Variants in HMGCLL1 observed in about 807,000 individuals in gnomAD.
HMGCLL1 encodes the protein 3-hydroxymethyl-3-methylglutaryl-CoA lyase, cytoplasmic.
A neutral mutation model predicts 39.1 loss-of-function variants in HMGCLL1; 36 were observed. That is an observed-to-expected ratio of 0.92 (90% CI 0.71 to 1.22). The LOEUF is 1.22. HMGCLL1 is among the 50% of genes most tolerant of loss of function. HMGCLL1 has a pLI of 0.00. For missense variants in HMGCLL1, 451 were observed against 416.5 expected, an observed-to-expected ratio of 1.08 and a Z score of -0.72; for synonymous variants, 149 against 144.0, an observed-to-expected ratio of 1.03 and a Z score of -0.25.
Position 55,553,221 on chromosome 6 carries a change from A to G in HMGCLL1, c.109-11081T>C, listed in dbSNP as rs145202648. Reference sequence around the variant, plus strand: ...CACACACATACACACACATATATGTATATATATACATGTATTTACATATAT... The same window carrying G: ...CACACACATACACACACATATATGTGTATATATACATGTATTTACATATAT... On this transcript the variant is annotated intron_variant, in intron 1 of 8. Coordinates refer to ENST00000274901, the MANE Select transcript of HMGCLL1 (RefSeq NM_001042406.2). Among the ~76,000 whole-genome samples, 756 of 143,390 alleles carry G rather than the reference A, an allele frequency of 5.3e-3. 6 individuals are homozygous for G. Among genetic ancestry groups the G allele is most frequent in the Admixed American group, 8.5e-3 (121 of 14,190 alleles). The allele number at this position is 143,390 out of a possible 152,430, so 94.1% of individuals were successfully genotyped here.
chr6:55,591,452 C>T, the HMGCLL1 span, among the ~76,000 whole-genome samples: 1 of 151,902 alleles, frequency 6.6e-6, no homozygotes, highest in South Asian at 2.1e-4. Flanking sequence ...GGGGGTGGGA[C>T]TTCTCTTTTC....
At chr6:55,654,239 C>G in the HMGCLL1 span, among the ~76,000 whole-genome samples, 2 of 151,726 alleles carry the variant, frequency 1.3e-5, no homozygotes, top group Non-Finnish European at 2.9e-5. Flanking sequence ...GAGGAGGACA[C>G]TGAACTGACT....
At chr6:55,614,018 A>G in the HMGCLL1 span, among the ~76,000 whole-genome samples, 1 of 152,190 alleles carries the variant, frequency 6.6e-6, no homozygotes. Context: ...AATAGCAAGT[A>G]TTGAAAAATA....
intron 8 of HMGCLL1, among the ~76,000 whole-genome samples, chr6:55,438,574 G>T (rs1306631127): frequency 6.6e-6 from 1 of 152,002 alleles, no homozygotes; most frequent in Non-Finnish European, 1.5e-5. Context: ...GGAATACGAG[G>T]CATAAGGCCA....
chr6:55,539,849 A>AAAGAAAGAGG (rs1769244477), intron 3 of HMGCLL1, among the ~76,000 whole-genome samples: 1 of 140,350 alleles, frequency 7.1e-6, no homozygotes, highest in African/African-American at 2.7e-5. Context: ...CCCTAAAGTG[A>AAAGAAAGAGG]AAGAAAGAGG....
chr6:55,528,648 T>TTC (rs1554151490), intron 3 of HMGCLL1, among the ~76,000 whole-genome samples: 1 of 151,488 alleles, frequency 6.6e-6, no homozygotes, highest in Non-Finnish European at 1.5e-5. Context: ...CCAGTTTTTT[T>TTC]TTTTCTACCC....
the HMGCLL1 span, among the ~76,000 whole-genome samples, chr6:55,601,943 T>G: frequency 1.3e-5 from 2 of 152,136 alleles, no homozygotes; most frequent in African/African-American, 4.8e-5. Flanking sequence ...TCTAAACAAA[T>G]GCAATCCATT....
At chr6:55,624,045 G>C in the HMGCLL1 span, among the ~76,000 whole-genome samples, 43 of 152,142 alleles carry the variant, frequency 2.8e-4, no homozygotes, top group Non-Finnish European at 8.8e-5. Context: ...TTCAGAGCCA[G>C]TGTCCAGTAG....
intron 7 of HMGCLL1, among the ~76,000 whole-genome samples, chr6:55,441,862 T>C (rs781566960): frequency 6.6e-6 from 1 of 152,144 alleles, no homozygotes; most frequent in Non-Finnish European, 1.5e-5. Context: ...GGCTAATTTT[T>C]GTGTTTTTAG....
At chr6:55,650,997 C>T in the HMGCLL1 span, among the ~76,000 whole-genome samples, 1 of 152,104 alleles carries the variant, frequency 6.6e-6, no homozygotes. Context: ...TCAGCCTGGA[C>T]TTGGGGACCC....
intron 1 of HMGCLL1, among the ~76,000 whole-genome samples, chr6:55,568,571 A>T (rs1771322963): frequency 6.6e-6 from 1 of 152,166 alleles, no homozygotes; most frequent in African/African-American, 2.4e-5. Context: ...TTCAGGGGTT[A>T]TATTGGGCTC....
chr6:55,623,538 G>T, the HMGCLL1 span, among the ~76,000 whole-genome samples: 1 of 151,522 alleles, frequency 6.6e-6, no homozygotes, highest in Non-Finnish European at 1.5e-5. Context: ...TGATGTTCAT[G>T]TGTTTATATA....
chr6:55,505,193 C>G (rs1210089168), intron 5 of HMGCLL1, among the ~76,000 whole-genome samples: 1 of 151,548 alleles, frequency 6.6e-6, no homozygotes, highest in Non-Finnish European at 1.5e-5. Flanking sequence ...TACAGTTAGG[C>G]CTTATCCCAG....
rs150577972 is a variant in HMGCLL1, at chr6:55,558,897, A to T, written c.109-16757T>A. On this transcript the variant is annotated intron_variant, in intron 1 of 8. Transcript: ENST00000274901. ...CTCCTTCCAAATCTCAATATAATTT[A>T]TCTAACCTTGTTCATAATCTGCCAG... 2.0e-5 allele frequency among the ~76,000 whole-genome samples: 3 copies of T among 152,358 alleles called. No homozygotes were observed. In the East Asian group the frequency reaches 5.8e-4, roughly 29 times the overall value.
chr6:55,646,800 T>C, the HMGCLL1 span, among the ~76,000 whole-genome samples: 1 of 152,036 alleles, frequency 6.6e-6, no homozygotes, highest in Non-Finnish European at 1.5e-5. Flanking sequence ...AAGACTTGTT[T>C]TGTGATCTAA....
At chr6:55,593,547 C>G in the HMGCLL1 span, among the ~76,000 whole-genome samples, 1 of 152,064 alleles carries the variant, frequency 6.6e-6, no homozygotes, top group Non-Finnish European at 1.5e-5. Flanking sequence ...AGGCTTTCAT[C>G]TTTGTAAGTA....
the HMGCLL1 span, among the ~76,000 whole-genome samples, chr6:55,601,397 T>C: frequency 6.6e-6 from 1 of 152,204 alleles, no homozygotes; most frequent in South Asian, 2.1e-4. Context: ...AGGATAGCTT[T>C]GACTGGTTCG....
At position 55,465,279 on chromosome 6, in the gene HMGCLL1, C is replaced by T. The variant is rs563247965; in HGVS notation, c.796-25720G>A. On this transcript the variant is annotated intron_variant, in intron 7 of 8. Transcript: ENST00000274901. ...AAATGCTCTTATTACTATAAATATA[C>T]ACATTAATACGTATGTCCATTAATT... Among the ~76,000 whole-genome samples the T allele has an allele frequency of 6.9e-4, 105 of 152,126 alleles. 1 individual carries two copies. The highest frequency in any genetic ancestry group is 2.5e-3 in the African/African-American group (104 of 41,522).
chr6:55,541,635 T>A, intron 3 of HMGCLL1, 94 bp downstream of exon 3: 2 of 664,806 alleles, frequency 3.0e-6, no homozygotes, highest in Non-Finnish European at 5.3e-6. Flanking sequence ...TATGGAAAAT[T>A]AGTAATTATA....
Sources: gnomAD v4.1 joint callset for allele counts (sites outside exome capture counted in the v4.1 genomes callset) on GRCh38, gnomAD v4.1.1 for gene constraint, MANE v1.5 for transcripts, NCBI Gene and HGNC (gene_info 2026-07-23, HGNC 2026-07-21) for gene names.